The following LATS1 variants were observed in gnomAD, a reference collection of about 807,000 sequenced individuals.
The protein encoded by LATS1 is serine/threonine-protein kinase LATS1.
A neutral mutation model predicts 106.6 loss-of-function variants in LATS1; 25 were observed. The observed-to-expected ratio is 0.23, with a 90% CI of 0.17 to 0.33. The LOEUF is 0.33. Ranked by LOEUF, LATS1 falls within the 10% of genes least tolerant of loss-of-function variation. The probability of loss-of-function intolerance (pLI) is 1.00; values close to 1 mark genes in which losing one functional copy is unlikely to be tolerated. For missense variants in LATS1, 1,040 were observed against 1,382.6 expected (o/e 0.75, Z 3.93); for synonymous variants, 465 against 455.6 (o/e 1.02, Z -0.26).
intron 1 of LATS1, among the ~76,000 whole-genome samples, chr6:149,708,158 C>T (rs1783889277): frequency 6.6e-6 from 1 of 152,082 alleles, no homozygotes; most frequent in African/African-American, 2.4e-5. Context: ...CTTCATTTAT[C>T]AGGGGAAATA....
In LATS1 at chr6:149,711,240, TA is replaced by T. The variant is rs879453189; in HGVS notation, c.-141+6608del. On this transcript the variant is annotated intron_variant, in intron 1 of 7. Coordinates refer to ENST00000543571, the MANE Select transcript of LATS1 (RefSeq NM_004690.4). The stretch of plus-strand genomic sequence containing the variant: ...ACTAACTTTAAAGAAACTGTTTTGT[TA>T]AAAAAAAAAAAAATATCTTTTGGCC... 9.3e-3 allele frequency among the ~76,000 whole-genome samples: 1,320 copies of T among 142,284 alleles called. 13 individuals are homozygous for T. The highest frequency in any genetic ancestry group is 0.019 in the African/African-American group (735 of 39,268). The allele number at this position is 142,284 out of a possible 152,430, so 93.3% of individuals were successfully genotyped here.
In LATS1 at chr6:149,701,827, T is replaced by C. The variant is rs1277257674; in HGVS notation, c.300A>G (p.Glu100=). ...AGTCTTGAAGCATTTGTGGATTAAC[T>C]TCTGAAGTACTCCGAGAAGAATTTG... The part of the protein sequence containing the change: ...NETNSSRSTS[E]VNPQMLQDLQ... The change falls in exon 2 of 8, where the codon GAA becomes GAG. Residue 100 remains glutamate (E), a synonymous_variant. Transcript: ENST00000543571. 4.3e-6 allele frequency: 7 copies of C among 1,614,046 alleles called. No homozygotes were observed. In the Admixed American group the frequency reaches 6.7e-5, roughly 15 times the overall value.
chr6:149,685,090 T>G (rs1782291650), intron 3 of LATS1, among the ~76,000 whole-genome samples: 1 of 151,778 alleles, frequency 6.6e-6, no homozygotes, highest in South Asian at 2.1e-4. Flanking sequence ...ACAAAAAAAT[T>G]AGCCAGGCGT....
Position 149,658,662 on chromosome 6 carries a change from G to A in LATS1, c.*3067C>T, listed in dbSNP as rs1431061950. On this transcript the variant is annotated 3_prime_UTR_variant, in exon 8 of 8. Coordinates refer to ENST00000543571, the MANE Select transcript of LATS1 (RefSeq NM_004690.4). ...TCAGAATAAAACAATTCCACTCACA[G>A]TTTTGCACTTTGCAACAGCAGAAGG... 6.6e-6 allele frequency: 1 copy of A among 152,090 alleles called. No individual in the cohort carries two copies. Among genetic ancestry groups the A allele is most frequent in the African/African-American group, 2.4e-5 (1 of 41,408 alleles). The allele number at this position is 152,090 out of a possible 1,614,324, so 9.4% of individuals were successfully genotyped here.
At chr6:149,713,397 C>G (rs945069443) in intron 1 of LATS1, among the ~76,000 whole-genome samples, 7 of 151,724 alleles carry the variant, frequency 4.6e-5, no homozygotes, top group African/African-American at 1.7e-4. Context: ...CGGGTTCAAG[C>G]AATTCTTCTG....
intron 7 of LATS1, among the ~76,000 whole-genome samples, chr6:149,667,918 G>C (rs1781244718): frequency 6.6e-6 from 1 of 152,198 alleles, no homozygotes; most frequent in Non-Finnish European, 1.5e-5. Flanking sequence ...TTTGTATCAA[G>C]TGATAATACA....
At chr6:149,667,455 A>G (rs1220285694) in intron 7 of LATS1, among the ~76,000 whole-genome samples, 2 of 150,748 alleles carry the variant, frequency 1.3e-5, no homozygotes, top group Non-Finnish European at 3.0e-5. Flanking sequence ...AAAAAAAAAA[A>G]AAAAAAAAAA....
At chr6:149,664,017 C>A (rs1009884037) in intron 7 of LATS1, among the ~76,000 whole-genome samples, 1 of 151,880 alleles carries the variant, frequency 6.6e-6, no homozygotes, top group African/African-American at 2.4e-5. Flanking sequence ...ACCATGTTGG[C>A]CTGGCTGGTT....
At chr6:149,678,943 T>C (rs1251068985) in intron 5 of LATS1, among the ~76,000 whole-genome samples, 1 of 152,132 alleles carries the variant, frequency 6.6e-6, no homozygotes, top group African/African-American at 2.4e-5. Flanking sequence ...AATGAAATCC[T>C]AAATAGTAGT....
intron 2 of LATS1, among the ~76,000 whole-genome samples, chr6:149,700,005 T>G (rs1783363312): frequency 6.6e-6 from 1 of 152,210 alleles, no homozygotes; most frequent in African/African-American, 2.4e-5. Context: ...CAATCTCCAC[T>G]CAAGCCATTT....
intron 1 of LATS1, among the ~76,000 whole-genome samples, chr6:149,709,565 A>G (rs1362213851): frequency 2.0e-5 from 3 of 151,650 alleles, no homozygotes; most frequent in African/African-American, 7.3e-5. Flanking sequence ...CTTCCTTTAC[A>G]TAATGGGAAC....
chr6:149,704,887 TACACACAC>T lies in LATS1; in HGVS notation c.-140-2629_-140-2622del, dbSNP rs57029776. On this transcript the variant is annotated intron_variant, in intron 1 of 7. Coordinates refer to ENST00000543571, the MANE Select transcript of LATS1 (RefSeq NM_004690.4). Reference sequence around the variant, plus strand: ...AATTTATATTTATAGAAATTAATTATACACACACACACACACACACACACACACACACA... The same window carrying T: ...AATTTATATTTATAGAAATTAATTATACACACACACACACACACACACACA... Among the ~76,000 whole-genome samples, 781 of 139,864 alleles carry T rather than the reference TACACACAC, an allele frequency of 5.6e-3. 8 individuals are homozygous for T. Among genetic ancestry groups the T allele is most frequent in the African/African-American group, 0.019 (699 of 37,408 alleles). The allele number at this position is 139,864 out of a possible 152,430, so 91.8% of individuals were successfully genotyped here. A position where few individuals can be genotyped will look rare whatever the true frequency, so the allele number is the denominator to read the frequency against.
At chr6:149,669,686 G>T (rs543668836) in intron 7 of LATS1, among the ~76,000 whole-genome samples, 18 of 151,910 alleles carry the variant, frequency 1.2e-4, no homozygotes, top group Non-Finnish European at 2.2e-4. Context: ...TTGAACCCGG[G>T]AGGCAGAGGT....
At chr6:149,707,370 G>C (rs1477271981) in intron 1 of LATS1, among the ~76,000 whole-genome samples, 1 of 152,046 alleles carries the variant, frequency 6.6e-6, no homozygotes, top group African/African-American at 2.4e-5. Context: ...ATGGGGTCTG[G>C]GGGTTTACGC....
At chr6:149,671,382 C>G (rs1781439312) in intron 7 of LATS1, among the ~76,000 whole-genome samples, 1 of 152,008 alleles carries the variant, frequency 6.6e-6, no homozygotes, top group African/African-American at 2.4e-5. Context: ...GATCCACCCA[C>G]CTTGGCCTCC....
chr6:149,683,223 T>C lies in LATS1; in HGVS notation c.1866A>G (p.Lys622=), dbSNP rs1782155321. ...TSPITVRKNK[K]DEERRESRIQ... The stretch of plus-strand genomic sequence containing the variant: ...TACGAGATTCCCTTCGCTCTTCATC[T>C]TTCTTGTTTTTCCTAACAGTAATAG... The change falls in exon 4 of 8, where the codon AAA becomes AAG. Residue 622 remains lysine (K), a synonymous_variant. Coordinates refer to ENST00000543571, the MANE Select transcript of LATS1 (RefSeq NM_004690.4). 2 of 1,614,090 alleles carry C rather than the reference T, an allele frequency of 1.2e-6. No homozygotes were observed. Among genetic ancestry groups the C allele is most frequent in the Non-Finnish European group, 8.5e-7 (1 of 1,180,002 alleles).
In LATS1 at chr6:149,683,684, A is replaced by G; in HGVS notation, c.1405T>C (p.Leu469=). Residue 469 remains leucine (L), a synonymous_variant, in exon 4 of 8, where the codon TTA becomes CTA. Coordinates refer to ENST00000543571, the MANE Select transcript of LATS1 (RefSeq NM_004690.4). ...GCAGAGTGACTTGCTCTATTTCCTA[A>G]TGGGTTATTAAAAGAATTTGACCTC... ...PVRSNSFNNP[L]GNRASHSANS... is the part of the protein sequence containing the mutation. The G allele has an allele frequency of 6.2e-7, 1 of 1,614,100 alleles. No homozygotes were observed. The highest frequency in any genetic ancestry group is 1.1e-5 in the South Asian group (1 of 91,072).
At chr6:149,714,724 T>C (rs1784293837) in intron 1 of LATS1, among the ~76,000 whole-genome samples, 1 of 152,176 alleles carries the variant, frequency 6.6e-6, no homozygotes, top group African/African-American at 2.4e-5. Context: ...TTAAGATAAT[T>C]AACTAGCATT....
At chr6:149,685,168 G>C (rs1263139766) in intron 3 of LATS1, among the ~76,000 whole-genome samples, 1 of 151,910 alleles carries the variant, frequency 6.6e-6, no homozygotes, top group African/African-American at 2.4e-5. Context: ...AACCAAGAAG[G>C]CCAACGCTGC....
Sources: allele counts gnomAD v4.1 joint callset (sites outside exome capture counted in the v4.1 genomes callset), GRCh38; gene constraint gnomAD v4.1.1; transcripts MANE v1.5; gene names NCBI Gene and HGNC (gene_info 2026-07-23, HGNC 2026-07-21).